Variants in UBE2Q2 observed in about 807,000 individuals in gnomAD.
UBE2Q2 encodes ubiquitin-conjugating enzyme E2 Q2.
Under a neutral mutation model 59.9 loss-of-function variants are expected in UBE2Q2, and 54 were observed. The observed-to-expected ratio is 0.90, with a 90% confidence interval of 0.72 to 1.13. The LOEUF (loss-of-function observed/expected upper bound fraction) is 1.13, where lower values mean the gene tolerates loss of function less well. UBE2Q2 is among the 50% of genes most tolerant of loss of function. UBE2Q2 has a pLI of 0.00. For missense variants in UBE2Q2, 433 were observed against 441.9 expected, an observed-to-expected ratio of 0.98 and a Z score of 0.18; for synonymous variants, 165 against 155.2, an observed-to-expected ratio of 1.06 and a Z score of -0.47.
rs775859186 is a variant in UBE2Q2 at position 75,876,227 on chromosome 15, T to C, written c.629T>C (p.Met210Thr). ...SGSVQASDRL[M>T]KELRDIYRSQ... ...TCAGTGCAAGCTTCAGATAGACTTATGAAAGAGCTCAGGGACATATACAGA... is the reference window on the plus strand; with the variant it reads ...TCAGTGCAAGCTTCAGATAGACTTACGAAAGAGCTCAGGGACATATACAGA... The change falls in exon 6 of 13, where the codon ATG (methionine) becomes ACG (threonine). Residue 210 changes from methionine (M) to threonine (T), a missense_variant. Transcript: ENST00000267938. The C allele has an allele frequency of 8.1e-6, 13 of 1,613,920 alleles. No homozygotes were observed. Among genetic ancestry groups the C allele is most frequent in the Admixed American group, 6.7e-5 (4 of 59,988 alleles).
chr15:75,850,025 A>G (rs1197224343), intron 1 of UBE2Q2, among the ~76,000 whole-genome samples: 2 of 152,228 alleles, frequency 1.3e-5, no homozygotes, highest in Non-Finnish European at 1.5e-5. Context: ...CATGTGAAAG[A>G]TTGAAAATAT....
rs1897645929 is a variant in UBE2Q2, at chr15:75,868,972, A to C, written c.409A>C (p.Thr137Pro). 6 of 1,612,990 alleles carry C rather than the reference A, an allele frequency of 3.7e-6. No homozygotes were observed. In the East Asian group the frequency reaches 1.3e-4, roughly 36 times the overall value. ...TCAGAATGGGACAACAGAAGAAGTG[A>C]CTTCAGAAGAAGAGGAAGAAGAAGA... Reference protein sequence around the residue: ...TGQNGTTEEVTSEEEEEEEEM... With the variant: ...TGQNGTTEEVPSEEEEEEEEM... The change falls in exon 4 of 13, where the codon ACT becomes CCT. Residue 137 changes from threonine to proline, a missense_variant. Physicochemically the swap from Thr to Pro is conservative, Grantham distance 38. Transcript: ENST00000267938.
Position 75,843,924 on chromosome 15 carries a change from G to T in UBE2Q2, c.180+78G>T, listed in dbSNP as rs1456657530. On this transcript the variant is annotated intron_variant, in intron 1 of 12. Coordinates refer to ENST00000267938, the MANE Select transcript of UBE2Q2 (RefSeq NM_173469.4). ...GCTTCGAGTCCCGGGACAAAGGGGAGCCTGCCCCGGAGAGGCTCCGGCTCC... is the reference window on the plus strand; with the variant it reads ...GCTTCGAGTCCCGGGACAAAGGGGATCCTGCCCCGGAGAGGCTCCGGCTCC... 58 of 1,446,090 alleles carry T rather than the reference G, an allele frequency of 4.0e-5. No homozygotes were observed. In the South Asian group the frequency reaches 7.5e-4, roughly 19 times the overall value. The allele number at this position is 1,446,090 out of a possible 1,614,324, so 89.6% of individuals were successfully genotyped here. A position where few individuals can be genotyped will look rare whatever the true frequency, so the allele number is the denominator to read the frequency against.
intron 4 of UBE2Q2, among the ~76,000 whole-genome samples, chr15:75,869,262 A>G (rs1337551349): frequency 6.6e-6 from 1 of 152,214 alleles, no homozygotes; most frequent in Non-Finnish European, 1.5e-5. Context: ...CCAAAATTAT[A>G]TTTATGTTTA....
chr15:75,866,463 G>A (rs78913322), intron 3 of UBE2Q2, among the ~76,000 whole-genome samples: 8,526 of 152,226 alleles, frequency 0.056, 288 homozygotes, highest in East Asian at 0.085. Context: ...ATGAGCCACC[G>A]TGTCCGGCCT....
At position 75,899,686 on chromosome 15, in the gene UBE2Q2, G is replaced by T; in HGVS notation, c.*228G>T. The T allele has an allele frequency of 3.3e-6, 1 of 302,494 alleles. No individual in the cohort carries two copies. The highest frequency in any genetic ancestry group is 6.1e-6 in the Non-Finnish European group (1 of 164,170). 18.7% of individuals were successfully genotyped at this position (302,494 alleles called of 1,614,324 possible). A position where few individuals can be genotyped will look rare whatever the true frequency, so the allele number is the denominator to read the frequency against. On this transcript the variant is annotated 3_prime_UTR_variant, in exon 13 of 13. Transcript: ENST00000267938. ...GTGGGGCCTTTACTGTATTTTTCCTGATAAATACACATACTGGCCACTCCT... is the reference window on the plus strand; with the variant it reads ...GTGGGGCCTTTACTGTATTTTTCCTTATAAATACACATACTGGCCACTCCT...
intron 4 of UBE2Q2, 44 bp from the exon 5 acceptor site, chr15:75,873,384 A>G: frequency 6.5e-7 from 1 of 1,548,604 alleles, no homozygotes; most frequent in Non-Finnish European, 8.7e-7. Context: ...AAACTGCTGA[A>G]GAAAAATAGG....
intron 11 of UBE2Q2, 116 bp downstream of exon 11, chr15:75,891,130 G>A (rs1899076533): frequency 1.3e-6 from 1 of 789,130 alleles, no homozygotes; most frequent in East Asian, 2.7e-5. Flanking sequence ...CATTTGGTTT[G>A]TTTTCTTCTT....
At position 75,899,863 on chromosome 15, in the gene UBE2Q2, A is replaced by C. The variant is rs1223373152; in HGVS notation, c.*405A>C. 6.5e-6 allele frequency: 1 copy of C among 153,688 alleles called. No homozygotes were observed. Among genetic ancestry groups the C allele is most frequent in the African/African-American group, 2.4e-5 (1 of 41,512 alleles). 9.5% of individuals were successfully genotyped at this position (153,688 alleles called of 1,614,324 possible). On this transcript the variant is annotated 3_prime_UTR_variant, in exon 13 of 13. Coordinates refer to ENST00000267938, the MANE Select transcript of UBE2Q2 (RefSeq NM_173469.4). ...TCCATTTACAGCCAATACAGGTTTA[A>C]TCGATGTTCAATATTGGTTTAGGAA...
At chr15:75,879,008 T>C in intron 7 of UBE2Q2, 90 bp from the exon 8 acceptor site, 1 of 887,816 alleles carries the variant, frequency 1.1e-6, no homozygotes, top group South Asian at 2.0e-5. Flanking sequence ...TGCTCTATTT[T>C]AGCTGTCATA....
At chr15:75,858,227 G>C (rs1479978760) in intron 2 of UBE2Q2, among the ~76,000 whole-genome samples, 1 of 152,096 alleles carries the variant, frequency 6.6e-6, no homozygotes, top group Non-Finnish European at 1.5e-5. Flanking sequence ...TTCATCTCCA[G>C]AGTTTCAAAC....
At chr15:75,883,325 A>G (rs766218663) in intron 8 of UBE2Q2, 41 bp from the exon 9 acceptor site, 16 of 1,525,060 alleles carry the variant, frequency 1.0e-5, no homozygotes, top group Admixed American at 1.7e-5. Flanking sequence ...AACACTAAGG[A>G]TGTTCTTTAA....
At chr15:75,844,660 G>A in intron 1 of UBE2Q2, 1 of 643,140 alleles carries the variant, frequency 1.6e-6, no homozygotes, top group Non-Finnish European at 2.5e-6. Flanking sequence ...AGAAACCCAA[G>A]GCTTGGTAAA....
At chr15:75,881,260 G>A (rs2441931) in intron 8 of UBE2Q2, among the ~76,000 whole-genome samples, 147,779 of 152,002 alleles carry the variant, frequency 0.97, 71,969 homozygotes, top group East Asian at 1. Flanking sequence ...CCGTCCCTGT[G>A]GCCCCCTGTG....
At chr15:75,854,956 T>C (rs1896825714) in intron 2 of UBE2Q2, among the ~76,000 whole-genome samples, 1 of 152,220 alleles carries the variant, frequency 6.6e-6, no homozygotes, top group South Asian at 2.1e-4. Flanking sequence ...TGAAAAAGTT[T>C]TTAATGCTTT....
rs142325116 is a variant in UBE2Q2 at position 75,871,883 on chromosome 15, T to A, written c.448-1545T>A. On this transcript the variant is annotated intron_variant, in intron 4 of 12. Transcript: ENST00000267938. ...TGCTGAGGATATTGTTTGAGAAAGA[T>A]AATGTTGAATTCTGTTTGGGATGTG... 4.6e-5 allele frequency among the ~76,000 whole-genome samples: 7 copies of A among 152,318 alleles called. No homozygotes were observed. In the East Asian group the frequency reaches 1.3e-3, roughly 29 times the overall value.
Position 75,899,454 on chromosome 15 carries a change from G to T in UBE2Q2, c.1124G>T (p.Gly375Val). 6.3e-7 allele frequency: 1 copy of T among 1,593,540 alleles called. No individual in the cohort carries two copies. The highest frequency in any genetic ancestry group is 8.5e-7 in the Non-Finnish European group (1 of 1,170,508). The change falls in exon 13 of 13, where the codon GGC (glycine) becomes GTC (valine). Residue 375 changes from glycine (G) to valine (V), a missense_variant. Coordinates refer to ENST00000267938, the MANE Select transcript of UBE2Q2 (RefSeq NM_173469.4). ...TGGTACACCCCTCCAAAGGAAGATG[G>T]CTAAATGTGTTGACTGTTGTATGTT... ...NGWYTPPKED[G>V]
intron 3 of UBE2Q2, among the ~76,000 whole-genome samples, chr15:75,861,622 A>G (rs952052393): frequency 6.6e-6 from 1 of 152,126 alleles, no homozygotes; most frequent in South Asian, 2.1e-4. Context: ...TGAGTCTTGT[A>G]TCTCATATTA....
At chr15:75,844,288 G>T (rs1165772256) in intron 1 of UBE2Q2, 2 of 1,542,500 alleles carry the variant, frequency 1.3e-6, no homozygotes, top group Non-Finnish European at 1.8e-6. Context: ...TTTTTCAGTC[G>T]GATTTTCCTT....
Sources: allele counts gnomAD v4.1 joint callset (sites outside exome capture counted in the v4.1 genomes callset), GRCh38; gene constraint gnomAD v4.1.1; transcripts MANE v1.5; gene names NCBI Gene and HGNC (gene_info 2026-07-23, HGNC 2026-07-21).